TSPAN15: variants seen among roughly 807,000 people sequenced by gnomAD.
TSPAN15 encodes tetraspanin 15.
In TSPAN15, 20 loss-of-function variants were observed where a neutral mutation model predicts 34.5. That is an observed-to-expected ratio of 0.58 (90% CI 0.41 to 0.84). TSPAN15 has a LOEUF of 0.84. TSPAN15 is among the 40% of genes least tolerant of loss of function. The probability of loss-of-function intolerance (pLI) is 0.00; values close to 1 mark genes in which losing one functional copy is unlikely to be tolerated. For synonymous variants in TSPAN15, 155 were observed against 153.9 expected (o/e 1.01, Z -0.05); for missense variants, 313 against 386.1 (o/e 0.81, Z 1.59).
At chr10:69,462,624 C>T (rs938729989) in intron 1 of TSPAN15, among the ~76,000 whole-genome samples, 13 of 152,186 alleles carry the variant, frequency 8.5e-5, no homozygotes, top group Non-Finnish European at 1.5e-4. Flanking sequence ...CATGAGCCAC[C>T]GCGCCTGGCC....
At chr10:69,483,660 C>CTT (rs747104856) in intron 1 of TSPAN15, 31 bp from the exon 2 acceptor site, 2 of 1,597,676 alleles carry the variant, frequency 1.3e-6, no homozygotes, top group South Asian at 2.2e-5. Context: ...TGACCTCAGT[C>CTT]TCTCTCTCAC....
the TSPAN15 span, among the ~76,000 whole-genome samples, chr10:69,533,322 G>A: frequency 0.11 from 17,413 of 151,670 alleles, 1,268 homozygotes; most frequent in South Asian, 0.16. Flanking sequence ...TATATAAAAC[G>A]GAATACTAAG....
the TSPAN15 span, among the ~76,000 whole-genome samples, chr10:69,514,883 C>T: frequency 7.2e-5 from 11 of 152,184 alleles, no homozygotes; most frequent in African/African-American, 2.7e-4. Flanking sequence ...CCGGCCCCTG[C>T]CCTGTCTCTC....
At chr10:69,526,731 T>C in the TSPAN15 span, among the ~76,000 whole-genome samples, 1 of 133,282 alleles carries the variant, frequency 7.5e-6, no homozygotes, top group South Asian at 2.4e-4. Context: ...TTGAGGCTGC[T>C]ATGAGCCATG....
At chr10:69,539,958 A>T in the TSPAN15 span, among the ~76,000 whole-genome samples, 1 of 146,032 alleles carries the variant, frequency 6.8e-6, no homozygotes, top group Non-Finnish European at 1.5e-5. Context: ...TGGAAAATGT[A>T]GTCTTTTTTT....
chr10:69,543,348 C>T, the TSPAN15 span, among the ~76,000 whole-genome samples: 1 of 152,220 alleles, frequency 6.6e-6, no homozygotes, highest in Admixed American at 6.5e-5. Context: ...GGCACTTCCT[C>T]ATGGTGAAAA....
At chr10:69,502,928 G>A (rs1422877317) in intron 5 of TSPAN15, among the ~76,000 whole-genome samples, 3 of 152,212 alleles carry the variant, frequency 2.0e-5, no homozygotes, top group Admixed American at 6.5e-5. Context: ...TTCCATGAAG[G>A]CAGGGACTTT....
chr10:69,462,131 C>G (rs1841276604), intron 1 of TSPAN15, among the ~76,000 whole-genome samples: 3 of 150,776 alleles, frequency 2.0e-5, no homozygotes. Flanking sequence ...CAGGCATGTG[C>G]CACCATACCT....
At chr10:69,539,432 GAAGAAGA>G in the TSPAN15 span, among the ~76,000 whole-genome samples, 63 of 131,146 alleles carry the variant, frequency 4.8e-4, 1 homozygote, top group East Asian at 1.1e-3. Context: ...GAAGAAAGAA[GAAGAAGA>G]AGGAAGAAGA....
At chr10:69,490,241 G>A (rs1325455023) in intron 3 of TSPAN15, among the ~76,000 whole-genome samples, 3 of 152,122 alleles carry the variant, frequency 2.0e-5, no homozygotes, top group South Asian at 2.1e-4. Context: ...TGGCTCTCTC[G>A]GCCAACACCT....
At chr10:69,539,658 C>A in the TSPAN15 span, among the ~76,000 whole-genome samples, 1 of 152,092 alleles carries the variant, frequency 6.6e-6, no homozygotes, top group Admixed American at 6.5e-5. Context: ...CTCTCTCATG[C>A]TGAAGAAGTC....
downstream of TSPAN15, among the ~76,000 whole-genome samples, chr10:69,508,440 C>CAAAAAAAAAAAAA (rs71009229): frequency 3.9e-4 from 24 of 62,166 alleles, no homozygotes; most frequent in Non-Finnish European, 5.8e-4. Flanking sequence ...GACTCCATCT[C>CAAAAAAAAAAAAA]AAAAAAAAAA....
chr10:69,459,927 C>G (rs1014287474), intron 1 of TSPAN15, among the ~76,000 whole-genome samples: 1 of 133,456 alleles, frequency 7.5e-6, no homozygotes, highest in Non-Finnish European at 1.7e-5. Flanking sequence ...GGCACCCCCC[C>G]CCCACGAATG....
downstream of TSPAN15, among the ~76,000 whole-genome samples, chr10:69,511,779 T>A (rs1842417119): frequency 6.6e-6 from 1 of 152,192 alleles, no homozygotes; most frequent in Non-Finnish European, 1.5e-5. Context: ...TGTGTCTTTG[T>A]TCTCATTGCA....
At chr10:69,455,472 A>G (rs1841067072) in intron 1 of TSPAN15, among the ~76,000 whole-genome samples, 1 of 152,060 alleles carries the variant, frequency 6.6e-6, no homozygotes, top group Non-Finnish European at 1.5e-5. Flanking sequence ...CATTTATTTA[A>G]TAGTCCCCAG....
the TSPAN15 span, among the ~76,000 whole-genome samples, chr10:69,545,081 G>A: frequency 7.1e-4 from 108 of 152,324 alleles, no homozygotes; most frequent in Non-Finnish European, 1.4e-3. Context: ...CAAACTGGGG[G>A]TCCCGCCTGC....
At chr10:69,500,132 T>C (rs1842174199) in intron 5 of TSPAN15, among the ~76,000 whole-genome samples, 1 of 152,092 alleles carries the variant, frequency 6.6e-6, no homozygotes, top group African/African-American at 2.4e-5. Context: ...TCATAGGTCA[T>C]CTTGTCCAGG....
intron 1 of TSPAN15, among the ~76,000 whole-genome samples, chr10:69,482,068 C>CAAA (rs759640769): frequency 2.5e-5 from 3 of 120,344 alleles, no homozygotes; most frequent in African/African-American, 3.0e-5. Flanking sequence ...AAGACAAATT[C>CAAA]AAAAAAAAAA....
the TSPAN15 span, among the ~76,000 whole-genome samples, chr10:69,513,355 T>C: frequency 6.6e-5 from 10 of 152,348 alleles, no homozygotes; most frequent in African/African-American, 1.7e-4. Context: ...AATTTCAGTC[T>C]GTAGCTTGTC....
Sources: gnomAD v4.1 joint callset for allele counts (sites outside exome capture counted in the v4.1 genomes callset) on GRCh38, gnomAD v4.1.1 for gene constraint, MANE v1.5 for transcripts, NCBI Gene and HGNC (gene_info 2026-07-23, HGNC 2026-07-21) for gene names.